RASA1: variants seen among roughly 807,000 people sequenced by gnomAD.
RASA1 encodes RAS p21 protein activator 1, also known as ras GTPase-activating protein 1.
Under a neutral mutation model 132.2 loss-of-function variants are expected in RASA1, and 25 were observed. That is an observed-to-expected ratio of 0.19 (90% CI 0.14 to 0.26). The LOEUF (loss-of-function observed/expected upper bound fraction) is 0.26. Ranked by LOEUF, RASA1 falls within the 10% of genes least tolerant of loss-of-function variation. The pLI, the probability that RASA1 is intolerant of heterozygous loss-of-function variation, is 1.00. For synonymous variants in RASA1, 477 were observed against 449.9 expected (o/e 1.06, Z -0.76); for missense variants, 964 against 1,299.2 (o/e 0.74, Z 3.97).
rs767426567 is a variant in RASA1 at position 87,390,993 on chromosome 5, C to G, written c.*110C>G. 8.4e-5 allele frequency: 91 copies of G among 1,086,954 alleles called. No individual in the cohort carries two copies. Among genetic ancestry groups the G allele is most frequent in the Non-Finnish European group, 1.2e-4 (85 of 714,210 alleles). The allele number at this position is 1,086,954 out of a possible 1,614,324, so 67.3% of individuals were successfully genotyped here. A position where few individuals can be genotyped will look rare whatever the true frequency, so the allele number is the denominator to read the frequency against. Reference sequence around the variant, plus strand: ...AAAAAATAGCACACTTTTCCACATTCCAGTGATGTGTGAGCTATGCAAACA... The same window carrying G: ...AAAAAATAGCACACTTTTCCACATTGCAGTGATGTGTGAGCTATGCAAACA... On this transcript the variant is annotated 3_prime_UTR_variant, in exon 25 of 25. Transcript: ENST00000274376.
chr5:87,333,210 T>C lies in RASA1; in HGVS notation c.829-57T>C, dbSNP rs1757722538. 6.9e-6 allele frequency: 11 copies of C among 1,595,764 alleles called. No homozygotes were observed. The Admixed American group carries it at 1.9e-4, about 27-fold the overall frequency. On this transcript the variant is annotated intron_variant, in intron 3 of 24. Transcript: ENST00000274376. ...TTGGCTTTATGTGGATATACCTCTTTTGACTTTAAGATAAAAAGACTATCT... is the reference window on the plus strand; with the variant it reads ...TTGGCTTTATGTGGATATACCTCTTCTGACTTTAAGATAAAAAGACTATCT...
At chr5:87,363,873 CAAGT>C (rs1211818577) in intron 11 of RASA1, among the ~76,000 whole-genome samples, 1 of 151,998 alleles carries the variant, frequency 6.6e-6, no homozygotes, top group African/African-American at 2.4e-5. Flanking sequence ...ACTCTATAAG[CAAGT>C]TCTTAAGAAA....
At chr5:87,363,197 T>G in intron 10 of RASA1, 151 bp from the exon 11 acceptor site, 1 of 718,202 alleles carries the variant, frequency 1.4e-6, no homozygotes, top group South Asian at 1.8e-5. Flanking sequence ...AGATTTGTTA[T>G]AGGCATTTTC....
intron 1 of RASA1, among the ~76,000 whole-genome samples, chr5:87,298,420 A>G (rs1485563408): frequency 6.6e-6 from 1 of 151,826 alleles, no homozygotes; most frequent in Non-Finnish European, 1.5e-5. Context: ...CTCAAAAAAA[A>G]AAAAAAAAAG....
intron 8 of RASA1, among the ~76,000 whole-genome samples, chr5:87,350,778 T>C (rs993820254): frequency 6.6e-6 from 1 of 151,666 alleles, no homozygotes; most frequent in African/African-American, 2.4e-5. Flanking sequence ...CCCAGAACTT[T>C]GATTTTTATA....
chr5:87,326,038 C>T (rs1757208598), intron 1 of RASA1, among the ~76,000 whole-genome samples: 1 of 152,030 alleles, frequency 6.6e-6, no homozygotes, highest in South Asian at 2.1e-4. Context: ...GTGGCACAAT[C>T]TTGTCTCACT....
At chr5:87,355,485 T>C (rs1353758189) in intron 9 of RASA1, among the ~76,000 whole-genome samples, 1 of 152,150 alleles carries the variant, frequency 6.6e-6, no homozygotes, top group Non-Finnish European at 1.5e-5. Flanking sequence ...AACCTACTGC[T>C]CAGAACAAAC....
At chr5:87,375,044 C>A (rs1366976203) in intron 15 of RASA1, 128 bp downstream of exon 15, 2 of 1,224,638 alleles carry the variant, frequency 1.6e-6, no homozygotes, top group Admixed American at 2.8e-5. Context: ...GAGATAGTTT[C>A]TTTCTGTACT....
At chr5:87,287,332 CACACCATATATATACCATATAT>C (rs1561256677) in intron 1 of RASA1, among the ~76,000 whole-genome samples, 243 of 144,524 alleles carry the variant, frequency 1.7e-3, no homozygotes, top group African/African-American at 5.0e-3. Flanking sequence ...ACCATATATA[CACACCATATATATACCATATAT>C]ACACCATATA....
At chr5:87,359,532 C>A (rs922177520) in intron 9 of RASA1, among the ~76,000 whole-genome samples, 1 of 152,078 alleles carries the variant, frequency 6.6e-6, no homozygotes, top group Admixed American at 6.5e-5. Context: ...TATATAAAAT[C>A]TTGGAATCAA....
At chr5:87,325,447 C>G (rs761803209) in intron 1 of RASA1, among the ~76,000 whole-genome samples, 1 of 152,178 alleles carries the variant, frequency 6.6e-6, no homozygotes, top group African/African-American at 2.4e-5. Context: ...AACTTGAAAT[C>G]ACCAATTTAG....
chr5:87,368,458 T>C (rs1760687988), intron 11 of RASA1, among the ~76,000 whole-genome samples: 2 of 152,210 alleles, frequency 1.3e-5, no homozygotes, highest in Non-Finnish European at 2.9e-5. Flanking sequence ...CATTTAATCC[T>C]GATGCCTGTA....
At chr5:87,328,126 T>C (rs1365283988) in intron 1 of RASA1, among the ~76,000 whole-genome samples, 1 of 152,216 alleles carries the variant, frequency 6.6e-6, no homozygotes, top group South Asian at 2.1e-4. Context: ...ATTGGACAAA[T>C]ACTTTTAAAA....
rs1762476965 is a variant in RASA1, at chr5:87,391,045, CTA to C, written c.*164_*165del. ...AATCCAAGATTCTGCTGGTGAATAACTATGCCAGCAACCTTGTAAGCTATCTG... is the reference window on the plus strand; with the variant it reads ...AATCCAAGATTCTGCTGGTGAATAACTGCCAGCAACCTTGTAAGCTATCTG... On this transcript the variant is annotated 3_prime_UTR_variant, in exon 25 of 25. Coordinates refer to ENST00000274376, the MANE Select transcript of RASA1 (RefSeq NM_002890.3). 1 of 737,200 alleles carries C rather than the reference CTA, an allele frequency of 1.4e-6. No individual in the cohort carries two copies. The highest frequency in any genetic ancestry group is 2.4e-4 in the Middle Eastern group (1 of 4,204). The allele number at this position is 737,200 out of a possible 1,614,324, so 45.7% of individuals were successfully genotyped here.
chr5:87,345,351 C>G (rs559853247), intron 6 of RASA1, among the ~76,000 whole-genome samples: 2 of 152,180 alleles, frequency 1.3e-5, no homozygotes, highest in South Asian at 4.1e-4. Flanking sequence ...CTTTTTTACC[C>G]TTCTTTTTTT....
At chr5:87,281,873 C>A (rs1262595886) in intron 1 of RASA1, among the ~76,000 whole-genome samples, 1 of 151,944 alleles carries the variant, frequency 6.6e-6, no homozygotes, top group African/African-American at 2.4e-5. Context: ...GAGCCACCGC[C>A]CCCAGCCTAT....
At chr5:87,275,214 A>C (rs779159428) in intron 1 of RASA1, among the ~76,000 whole-genome samples, 2 of 152,196 alleles carry the variant, frequency 1.3e-5, no homozygotes, top group East Asian at 3.9e-4. Flanking sequence ...AAGATTTTTT[A>C]TAGTGATTAT....
At chr5:87,271,004 C>T (rs888955725) in intron 1 of RASA1, among the ~76,000 whole-genome samples, 27 of 151,896 alleles carry the variant, frequency 1.8e-4, no homozygotes, top group Admixed American at 3.3e-4. Context: ...TTCGGGAGGC[C>T]GAGGCGGGTG....
intron 1 of RASA1, among the ~76,000 whole-genome samples, chr5:87,298,350 AG>A (rs1423958180): frequency 1.3e-5 from 2 of 150,904 alleles, no homozygotes; most frequent in Non-Finnish European, 3.0e-5. Flanking sequence ...CGGAGCTTGC[AG>A]TGAGCCTAGA....
Sources: allele counts gnomAD v4.1 joint callset (sites outside exome capture counted in the v4.1 genomes callset), GRCh38; gene constraint gnomAD v4.1.1; transcripts MANE v1.5; gene names NCBI Gene and HGNC (gene_info 2026-07-23, HGNC 2026-07-21).